Variants in A2ML1 observed in about 807,000 individuals in gnomAD.
A2ML1 encodes the protein alpha-2-macroglobulin like 1.
A2ML1 carries 161 observed loss-of-function variants against 181.9 expected under a neutral mutation model. The observed-to-expected ratio is 0.89, with a 90% confidence interval of 0.78 to 1.01. The LOEUF (loss-of-function observed/expected upper bound fraction) is 1.01. A2ML1 is among the 50% of genes least tolerant of loss of function. The pLI, the probability that A2ML1 is intolerant of heterozygous loss-of-function variation, is 0.00. For synonymous variants in A2ML1, 663 were observed against 666.8 expected, an observed-to-expected ratio of 0.99 and a Z score of 0.09; for missense variants, 1,670 against 1,768.1, an observed-to-expected ratio of 0.94 and a Z score of 1.00.
intron 2 of A2ML1, 84 bp from the exon 3 acceptor site, chr12:8,823,636 C>G: frequency 2.0e-6 from 3 of 1,468,210 alleles, no homozygotes; most frequent in Non-Finnish European, 2.8e-6. Context: ...CAGCTCTTTC[C>G]TTTAACTCAC....
intron 3 of A2ML1, among the ~76,000 whole-genome samples, chr12:8,828,248 T>C (rs1942994051): frequency 6.6e-6 from 1 of 152,188 alleles, no homozygotes; most frequent in African/African-American, 2.4e-5. Flanking sequence ...AGCCAGGGCC[T>C]GGAGTCAGAA....
Position 8,849,697 on chromosome 12 carries a change from C to T in A2ML1, c.2057C>T (p.Ala686Val), listed in dbSNP as rs1943822142. 13 of 1,614,158 alleles carry T rather than the reference C, an allele frequency of 8.1e-6. No homozygotes were observed. Among genetic ancestry groups the T allele is most frequent in the Non-Finnish European group, 1.1e-5 (13 of 1,180,012 alleles). Residue 686 changes from alanine to valine, a missense_variant, in exon 17 of 36, where the codon GCC becomes GTC. Physicochemically the swap from Ala to Val is moderately conservative, Grantham distance 64. Coordinates refer to ENST00000299698, the MANE Select transcript of A2ML1 (RefSeq NM_144670.6). The part of the protein sequence containing the change: ...RDVGLKILSN[A>V]KIKKPVDCSH... Reference sequence around the variant, plus strand: ...GTGGGCCTGAAAATACTGTCCAATGCCAAAATCAAGAAGCCAGTAGATTGC... The same window carrying T: ...GTGGGCCTGAAAATACTGTCCAATGTCAAAATCAAGAAGCCAGTAGATTGC...
At position 8,848,742 on chromosome 12, in the gene A2ML1, G is replaced by C. The variant is rs369180298; in HGVS notation, c.1856G>C (p.Trp619Ser). Residue 619 changes from tryptophan to serine, a missense_variant, in exon 16 of 36, where the codon TGG (tryptophan) becomes TCG (serine). Physicochemically the swap from Trp to Ser is radical, Grantham distance 177 (BLOSUM62 -3). Transcript: ENST00000299698. ...NRSVYGMFPFWYGHYPYQVAE... is the reference protein window; with the variant it reads ...NRSVYGMFPFSYGHYPYQVAE... ...CAGGTCTATGGGATGTTTCCATTCTGGTATGGTCACTACCCCTATCAAGTG... is the reference window on the plus strand; with the variant it reads ...CAGGTCTATGGGATGTTTCCATTCTCGTATGGTCACTACCCCTATCAAGTG... 1.9e-4 allele frequency: 304 copies of C among 1,611,240 alleles called. No individual in the cohort carries two copies. The highest frequency in any genetic ancestry group is 5.0e-4 in the Middle Eastern group (3 of 6,054).
intron 33 of A2ML1, among the ~76,000 whole-genome samples, chr12:8,870,787 G>A (rs1167560751): frequency 2.0e-5 from 3 of 152,186 alleles, no homozygotes; most frequent in Admixed American, 1.3e-4. Context: ...GGTGGGAGCA[G>A]AACCTGGGGA....
intron 2 of A2ML1, 52 bp downstream of exon 2, chr12:8,823,417 C>T: frequency 2.6e-6 from 4 of 1,518,160 alleles, no homozygotes; most frequent in Non-Finnish European, 2.7e-6. Context: ...TATTCTCCTC[C>T]CTAGGCTCAC....
rs778039663 is a variant in A2ML1 at position 8,822,699 on chromosome 12, T to A, written c.48T>A (p.Ile16=). The A allele has an allele frequency of 6.2e-7, 1 of 1,614,196 alleles. No homozygotes were observed. Among genetic ancestry groups the A allele is most frequent in the Admixed American group, 1.7e-5 (1 of 60,024 alleles). Residue 16 remains isoleucine, a synonymous_variant, in exon 1 of 36, where the codon ATT becomes ATA. Coordinates refer to ENST00000299698, the MANE Select transcript of A2ML1 (RefSeq NM_144670.6). ...LLGMLALSPA[I]AEELPNYLVT... is the part of the protein sequence containing the mutation. The stretch of plus-strand genomic sequence containing the variant: ...GAATGTTGGCCCTATCACCAGCCAT[T>A]GCAGAAGAACTTCCGTGAGTGCTTG...
chr12:8,823,565 C>T (rs1335841432), intron 2 of A2ML1, 155 bp from the exon 3 acceptor site: 2 of 1,080,184 alleles, frequency 1.9e-6, no homozygotes, highest in Non-Finnish European at 2.7e-6. Context: ...TAGTTCCTGA[C>T]CTTAATTCTT....
chr12:8,856,655 A>G (rs1421233040), intron 23 of A2ML1, among the ~76,000 whole-genome samples: 2 of 152,176 alleles, frequency 1.3e-5, no homozygotes, highest in Non-Finnish European at 2.9e-5. Context: ...GTTTTGTCAC[A>G]TCACTCATCA....
downstream of A2ML1, chr12:8,876,925 A>T (rs1944814457): frequency 6.6e-6 from 1 of 152,186 alleles, no homozygotes; most frequent in African/African-American, 2.4e-5. Flanking sequence ...CATCTTAAAG[A>T]TGTGAGGACA....
chr12:8,857,258 C>A lies in A2ML1; in HGVS notation c.2943C>A (p.Ile981=). 1 of 1,613,694 alleles carries A rather than the reference C, an allele frequency of 6.2e-7. No homozygotes were observed. Among genetic ancestry groups the A allele is most frequent in the Non-Finnish European group, 8.5e-7 (1 of 1,180,008 alleles). ...GEQNMVLFAP[I]IYVLQYLEKA... The stretch of plus-strand genomic sequence containing the variant: ...AGAACATGGTCTTGTTTGCTCCCAT[C>A]ATCTATGTCTTGCAGTACCTGGAGA... The change falls in exon 24 of 36, where the codon ATC becomes ATA. Residue 981 remains isoleucine (I), a synonymous_variant. Coordinates refer to ENST00000299698, the MANE Select transcript of A2ML1 (RefSeq NM_144670.6).
downstream of A2ML1, among the ~76,000 whole-genome samples, chr12:8,881,717 A>C (rs1327844955): frequency 6.6e-6 from 1 of 152,194 alleles, no homozygotes; most frequent in Non-Finnish European, 1.5e-5. Context: ...AGTTTACTAC[A>C]TTAAGTTTGA....
chr12:8,850,125 G>A (rs1049865106), intron 17 of A2ML1, 35 bp from the exon 18 acceptor site: 17 of 1,531,300 alleles, frequency 1.1e-5, no homozygotes, highest in Admixed American at 5.9e-5. Context: ...GAAGTCTCCT[G>A]TTTCCTAAAG....
chr12:8,846,944 A>AT (rs1943707966), intron 14 of A2ML1, among the ~76,000 whole-genome samples: 1 of 150,882 alleles, frequency 6.6e-6, no homozygotes, highest in South Asian at 2.1e-4. Context: ...TATTTTTTTT[A>AT]TTTTTTATAG....
rs201363860 is a variant in A2ML1, at chr12:8,855,517, G to A, written c.2773G>A (p.Ala925Thr). 227 of 1,613,948 alleles carry A rather than the reference G, an allele frequency of 1.4e-4. No individual in the cohort carries two copies. Among genetic ancestry groups the A allele is most frequent in the Non-Finnish European group, 1.8e-4 (218 of 1,180,012 alleles). Reference sequence around the variant, plus strand: ...TTTTCTGCATCTCACAGGAAAGGTGGCATCTGAATCTGTCTCCCTGGAGCT... The same window carrying A: ...TTTTCTGCATCTCACAGGAAAGGTGACATCTGAATCTGTCTCCCTGGAGCT... ...SSLLCPKGKV[A>T]SESVSLELPV... The change falls in exon 23 of 36, where the codon GCA becomes ACA. Residue 925 changes from alanine (A) to threonine (T), a missense_variant. Physicochemically the swap from Ala to Thr is moderately conservative, Grantham distance 58. Coordinates refer to ENST00000299698, the MANE Select transcript of A2ML1 (RefSeq NM_144670.6).
chr12:8,847,489 G>T (rs1185830368), intron 14 of A2ML1, 60 bp from the exon 15 acceptor site: 1 of 1,529,720 alleles, frequency 6.5e-7, no homozygotes, highest in Admixed American at 2.1e-5. Context: ...CCCAAATTAT[G>T]TTGTTTCCCT....
intron 7 of A2ML1, among the ~76,000 whole-genome samples, chr12:8,883,889 G>A (rs188036598): frequency 0.018 from 2,693 of 151,972 alleles, 80 homozygotes; most frequent in African/African-American, 0.06. Flanking sequence ...AGGTTCAAGC[G>A]ATTCTCCCGC....
rs75265748 is a variant in A2ML1 at position 8,829,918 on chromosome 12, G to A, written c.462+139G>A. 2,609 of 957,298 alleles carry A rather than the reference G, an allele frequency of 2.7e-3. 59 individuals are homozygous for A. In the African/African-American group the frequency reaches 0.038, roughly 14 times the overall value. The allele number at this position is 957,298 out of a possible 1,614,324, so 59.3% of individuals were successfully genotyped here. ...TGGAGACTGCTGTGTGCGTGGGACTGGAAGTGCTGGGCGAGCTTCAGGGAG... is the reference window on the plus strand; with the variant it reads ...TGGAGACTGCTGTGTGCGTGGGACTAGAAGTGCTGGGCGAGCTTCAGGGAG... On this transcript the variant is annotated intron_variant, in intron 4 of 35. Coordinates refer to ENST00000299698, the MANE Select transcript of A2ML1 (RefSeq NM_144670.6).
At chr12:8,862,882 T>G (rs1944313146) in intron 28 of A2ML1, among the ~76,000 whole-genome samples, 1 of 152,190 alleles carries the variant, frequency 6.6e-6, no homozygotes, top group Non-Finnish European at 1.5e-5. Context: ...AAAATTCTGT[T>G]TAATTAGTCT....
chr12:8,887,172 A>AAAC (rs146774397), downstream of A2ML1, among the ~76,000 whole-genome samples: 1,584 of 151,934 alleles, frequency 0.01, 31 homozygotes, highest in African/African-American at 0.036. Flanking sequence ...ACGAAACAAA[A>AAAC]AAAACAAAAA....
Sources: allele counts gnomAD v4.1 joint callset (sites outside exome capture counted in the v4.1 genomes callset), GRCh38; gene constraint gnomAD v4.1.1; transcripts MANE v1.5; gene names NCBI Gene and HGNC (gene_info 2026-07-23, HGNC 2026-07-21).